Variants in DPP8 observed in about 807,000 individuals in gnomAD.
The protein encoded by DPP8 is dipeptidyl peptidase 8.
Under a neutral mutation model 107.5 loss-of-function variants are expected in DPP8, and 31 were observed. That is an observed-to-expected ratio of 0.29 (90% CI 0.22 to 0.39). DPP8 has a LOEUF of 0.39. DPP8 is among the 10% of genes least tolerant of loss of function. DPP8 has a pLI of 1.00. For synonymous variants in DPP8, 381 were observed against 356.6 expected, an observed-to-expected ratio of 1.07 and a Z score of -0.77; for missense variants, 842 against 1,076.1, an observed-to-expected ratio of 0.78 and a Z score of 3.04.
At position 65,451,980 on chromosome 15, in the gene DPP8, T is replaced by C. The variant is rs1341020677; in HGVS notation, c.2394A>G (p.Gln798=). The change falls in exon 18 of 20, where the codon CAA becomes CAG. Residue 798 remains glutamine (Q), a synonymous_variant. Transcript: ENST00000300141. ...CTTACTCAGAGGGGAACTTTTCTGCTTGCATGGCCACAGATCCTAAGTAAT... is the reference window on the plus strand; with the variant it reads ...CTTACTCAGAGGGGAACTTTTCTGCCTGCATGGCCACAGATCCTAAGTAAT... ...QGYYLGSVAM[Q]AEKFPSEPNR... The C allele has an allele frequency of 5.6e-6, 9 of 1,601,092 alleles. No homozygotes were observed. Among genetic ancestry groups the C allele is most frequent in the Non-Finnish European group, 7.7e-6 (9 of 1,176,130 alleles).
At chr15:65,456,820 T>C (rs2064463709) in intron 15 of DPP8, among the ~76,000 whole-genome samples, 1 of 152,158 alleles carries the variant, frequency 6.6e-6, no homozygotes, top group Non-Finnish European at 1.5e-5. Context: ...CTTGAGATCT[T>C]TGGCTACCTC....
intron 19 of DPP8, among the ~76,000 whole-genome samples, chr15:65,447,631 A>G (rs1346757611): frequency 3.3e-5 from 5 of 152,246 alleles, no homozygotes; most frequent in Admixed American, 6.5e-5. Context: ...AGTGTGAATG[A>G]GTCACAAGCT....
intron 11 of DPP8, chr15:65,475,342 T>C: frequency 3.2e-6 from 4 of 1,242,668 alleles, no homozygotes; most frequent in Middle Eastern, 1.9e-4. Flanking sequence ...GAGCCAGCTT[T>C]ATCTTCTGAG....
intron 10 of DPP8, among the ~76,000 whole-genome samples, chr15:65,479,572 C>T (rs905807814): frequency 2.5e-4 from 38 of 152,142 alleles, no homozygotes; most frequent in African/African-American, 8.7e-4. Context: ...TGGCCGGGTG[C>T]GGTGGCTCAC....
intron 10 of DPP8, among the ~76,000 whole-genome samples, chr15:65,479,444 G>A (rs955367331): frequency 2.0e-5 from 3 of 152,098 alleles, no homozygotes; most frequent in Non-Finnish European, 4.4e-5. Flanking sequence ...GTGTTCATAG[G>A]TGAATCATAT....
intron 3 of DPP8, among the ~76,000 whole-genome samples, chr15:65,506,657 A>T (rs2070059741): frequency 6.7e-6 from 1 of 148,896 alleles, no homozygotes; most frequent in South Asian, 2.1e-4. Context: ...AAAATATATA[A>T]ACATATAAAC....
intron 12 of DPP8, among the ~76,000 whole-genome samples, chr15:65,468,480 C>A (rs1477562238): frequency 7.0e-6 from 1 of 143,122 alleles, no homozygotes; most frequent in East Asian, 2.1e-4. Flanking sequence ...GGCAACAGAG[C>A]AAGACCCTTA....
intron 3 of DPP8, among the ~76,000 whole-genome samples, chr15:65,503,325 C>T (rs1471993515): frequency 6.6e-6 from 1 of 152,156 alleles, no homozygotes; most frequent in African/African-American, 2.4e-5. Flanking sequence ...AGGCTGGTCT[C>T]AAACTCCTGA....
chr15:65,475,611 T>G, intron 11 of DPP8: 1 of 991,258 alleles, frequency 1.0e-6, no homozygotes. Flanking sequence ...ATATCAGCTA[T>G]TTCAACAAGG....
At chr15:65,451,928 TTAA>T in intron 18 of DPP8, 29 bp downstream of exon 18, 7 of 1,474,740 alleles carry the variant, frequency 4.7e-6, no homozygotes, top group Admixed American at 2.2e-5. Flanking sequence ...CTGTCTCAAT[TTAA>T]AAAAAAAAAA....
Position 65,466,826 on chromosome 15 carries a change from G to A in DPP8, c.1690-13C>T, listed in dbSNP as rs2065398682. The stretch of plus-strand genomic sequence containing the variant: ...AGAAGTCACAGTGCTAGAGAAAGGA[G>A]AAACAATTATATTTTTCGTCAGGAA... On this transcript the variant is annotated splice_polypyrimidine_tract_variant and intron_variant, in intron 13 of 19. Coordinates refer to ENST00000300141, the MANE Select transcript of DPP8 (RefSeq NM_130434.5). The A allele has an allele frequency of 5.6e-6, 9 of 1,604,762 alleles. No homozygotes were observed. Among genetic ancestry groups the A allele is most frequent in the Non-Finnish European group, 7.6e-6 (9 of 1,177,118 alleles).
At chr15:65,454,200 A>C in intron 17 of DPP8, 63 bp downstream of exon 17, 1 of 1,242,966 alleles carries the variant, frequency 8.0e-7, no homozygotes, top group Non-Finnish European at 1.1e-6. Flanking sequence ...ATTTTCATAT[A>C]TCCTCCATTT....
intron 14 of DPP8, among the ~76,000 whole-genome samples, chr15:65,464,132 G>A (rs1229944118): frequency 6.6e-6 from 1 of 152,184 alleles, no homozygotes; most frequent in African/African-American, 2.4e-5. Flanking sequence ...GGGAGGCCGA[G>A]GCAGGTGGAT....
At chr15:65,506,724 T>C (rs1045309894) in intron 3 of DPP8, among the ~76,000 whole-genome samples, 3 of 149,012 alleles carry the variant, frequency 2.0e-5, no homozygotes, top group Non-Finnish European at 4.4e-5. Flanking sequence ...TAAACATATA[T>C]ATGTTTAAAA....
chr15:65,458,883 G>C (rs1281394715), intron 15 of DPP8: 1 of 152,038 alleles, frequency 6.6e-6, no homozygotes, highest in African/African-American at 2.4e-5. Context: ...TCCTACATTA[G>C]AGAGTCACTT....
chr15:65,467,328 T>C (rs1192173845), intron 12 of DPP8, 105 bp from the exon 13 acceptor site: 4 of 1,077,914 alleles, frequency 3.7e-6, no homozygotes, highest in Non-Finnish European at 5.3e-6. Context: ...ACTTATGCCT[T>C]CTTTTTTCTT....
Position 65,515,727 on chromosome 15 carries a change from G to A in DPP8, c.-12+1759C>T, listed in dbSNP as rs542137996. 9.4e-6 allele frequency: 15 copies of A among 1,603,754 alleles called. No individual in the cohort carries two copies. In the South Asian group the frequency reaches 1.5e-4, roughly 16 times the overall value. The stretch of plus-strand genomic sequence containing the variant: ...TCTTTTTCAAGTGACTCGACTTCAA[G>A]CATAGAATCCCTCTGCTCATCCTGC... On this transcript the variant is annotated intron_variant, in intron 1 of 19. Coordinates refer to ENST00000300141, the MANE Select transcript of DPP8 (RefSeq NM_130434.5).
chr15:65,472,126 A>T (rs1480762514), intron 12 of DPP8, among the ~76,000 whole-genome samples: 1 of 152,170 alleles, frequency 6.6e-6, no homozygotes. Flanking sequence ...TGAGAATAAA[A>T]CACAGGGTAG....
chr15:65,513,629 TAGTTGATAC>T (rs1468259258), intron 1 of DPP8, among the ~76,000 whole-genome samples: 2 of 152,240 alleles, frequency 1.3e-5, no homozygotes, highest in Admixed American at 1.3e-4. Context: ...TTAGCTGAAG[TAGTTGATAC>T]AGAAAGCATT....
Sources: gnomAD v4.1 joint callset for allele counts (sites outside exome capture counted in the v4.1 genomes callset) on GRCh38, gnomAD v4.1.1 for gene constraint, MANE v1.5 for transcripts, NCBI Gene and HGNC (gene_info 2026-07-23, HGNC 2026-07-21) for gene names.